The following P2RX2 variants were observed in gnomAD, a reference collection of about 807,000 sequenced individuals.
P2RX2 encodes P2X purinoceptor 2.
In P2RX2, 50 loss-of-function variants were observed where a neutral mutation model predicts 54.8. That is an observed-to-expected ratio of 0.91 (90% CI 0.73 to 1.15). The LOEUF (loss-of-function observed/expected upper bound fraction) is 1.15, where lower values mean the gene tolerates loss of function less well. Among genes scored for constraint, P2RX2 ranks in the 50% most tolerant of loss-of-function variants. The pLI is 0.00. For synonymous variants in P2RX2, 289 were observed against 259.4 expected, an observed-to-expected ratio of 1.11 and a Z score of -1.09; for missense variants, 658 against 633.2, an observed-to-expected ratio of 1.04 and a Z score of -0.42.
chr12:132,621,148 A>C lies in P2RX2; in HGVS notation c.905+17A>C, dbSNP rs760619078. The C allele has an allele frequency of 1.4e-5, 23 of 1,614,034 alleles. No homozygotes were observed. The highest frequency in any genetic ancestry group is 1.9e-5 in the Non-Finnish European group (22 of 1,180,002). On this transcript the variant is annotated intron_variant, in intron 8 of 10. Transcript: ENST00000643471. ...CAACTTCAGGTGCTGTACTTGGGAC[A>C]CCGCTGTCCACACTGGCATAGCTGT...
intron 1 of P2RX2, 127 bp from the exon 2 acceptor site, chr12:132,619,312 G>A (rs1466711281): frequency 1.0e-6 from 1 of 1,001,408 alleles, no homozygotes. Flanking sequence ...TGGGACCGAG[G>A]GCGCGGGGCA....
Position 132,618,992 on chromosome 12 carries a change from GC to G in P2RX2, c.173+4del. The stretch of plus-strand genomic sequence containing the variant: ...CTCATCCTGCTCTACTTCGTGTGGT[GC>G]GCGGGGCGCGGGGTGCGGGGCGCGG... On this transcript the variant is annotated splice_donor_region_variant and intron_variant, in intron 1 of 10. Coordinates refer to ENST00000643471, the MANE Select transcript of P2RX2 (RefSeq NM_170682.4). 1.7e-6 allele frequency: 2 copies of G among 1,207,592 alleles called. No homozygotes were observed. Among genetic ancestry groups the G allele is most frequent in the African/African-American group, 3.7e-5 (2 of 54,194 alleles). 74.8% of individuals were successfully genotyped at this position (1,207,592 alleles called of 1,614,324 possible). A position where few individuals can be genotyped will look rare whatever the true frequency, so the allele number is the denominator to read the frequency against.
intron 6 of P2RX2, 42 bp from the exon 7 acceptor site, chr12:132,620,403 G>A (rs1376258847): frequency 1.9e-6 from 3 of 1,614,096 alleles, no homozygotes; most frequent in Non-Finnish European, 1.7e-6. Context: ...TCTGGGAATG[G>A]GGTATTTGGG....
chr12:132,620,671 C>A, intron 7 of P2RX2, 88 bp downstream of exon 7: 1 of 1,413,416 alleles, frequency 7.1e-7, no homozygotes, highest in Non-Finnish European at 9.7e-7. Context: ...TCCCTCCTCC[C>A]TCCTGACCAG....
In P2RX2 at chr12:132,619,507, A is replaced by G. The variant is rs757287535; in HGVS notation, c.242A>G (p.Lys81Arg). The G allele has an allele frequency of 1.2e-6, 2 of 1,612,390 alleles. No homozygotes were observed. Among genetic ancestry groups the G allele is most frequent in the Non-Finnish European group, 8.5e-7 (1 of 1,179,312 alleles). The change falls in exon 2 of 11, where the codon AAG becomes AGG. Residue 81 changes from lysine to arginine, a missense_variant. Transcript: ENST00000643471. ...GGCCCCGAGAGCTCCATCATCACCA[A>G]GGTCAAGGGGATCACCACGTCCGAG... The part of the protein sequence containing the change: ...ETGPESSIIT[K>R]VKGITTSEHK...
In P2RX2 at chr12:132,621,876, C is replaced by T; in HGVS notation, c.1320C>T (p.Pro440=). 6.2e-7 allele frequency: 1 copy of T among 1,613,444 alleles called. No individual in the cohort carries two copies. Among genetic ancestry groups the T allele is most frequent in the Non-Finnish European group, 8.5e-7 (1 of 1,179,942 alleles). ...GPAFPPLRPC[P]ISAPSEQMVD... Reference sequence around the variant, plus strand: ...CCTTCCCGCCCCTGCGGCCTTGCCCCATCTCTGCCCCTTCTGAGCAGATGG... The same window carrying T: ...CCTTCCCGCCCCTGCGGCCTTGCCCTATCTCTGCCCCTTCTGAGCAGATGG... The change falls in exon 11 of 11, where the codon CCC becomes CCT. Residue 440 remains proline (P), a synonymous_variant. Coordinates refer to ENST00000643471, the MANE Select transcript of P2RX2 (RefSeq NM_170682.4).
In P2RX2 at chr12:132,621,008, T is replaced by A. The variant is rs747061410; in HGVS notation, c.782T>A (p.Val261Asp). ...CTGGCTCCTTCTTGGCAGGGTGGTG[T>A]CATCGGGGTCATTATCAACTGGGAC... ...SFTELAHKGG[V>D]IGVIINWDCD... The change falls in exon 8 of 11, where the codon GTC becomes GAC. Residue 261 changes from valine to aspartate, a missense_variant. Physicochemically the swap from Val to Asp is radical, Grantham distance 152. Transcript: ENST00000643471. 7 of 1,613,782 alleles carry A rather than the reference T, an allele frequency of 4.3e-6. No individual in the cohort carries two copies. In the African/African-American group the frequency reaches 8.0e-5, roughly 18 times the overall value.
chr12:132,619,529 C>T lies in P2RX2; in HGVS notation c.264C>T (p.Ser88=), dbSNP rs750599281. ...CCAAGGTCAAGGGGATCACCACGTC[C>T]GAGCACAAAGTGTGGGACGTGGAGG... The part of the protein sequence containing the change: ...IITKVKGITT[S]EHKVWDVEEY... The change falls in exon 2 of 11, where the codon TCC becomes TCT. Residue 88 remains serine (S), a synonymous_variant. Coordinates refer to ENST00000643471, the MANE Select transcript of P2RX2 (RefSeq NM_170682.4). 38 of 1,612,314 alleles carry T rather than the reference C, an allele frequency of 2.4e-5. No homozygotes were observed. Among genetic ancestry groups the T allele is most frequent in the Middle Eastern group, 1.6e-4 (1 of 6,076 alleles).
At chr12:132,619,372 C>T (rs765554180) in intron 1 of P2RX2, 67 bp from the exon 2 acceptor site, 6 of 1,588,344 alleles carry the variant, frequency 3.8e-6, no homozygotes, top group Non-Finnish European at 4.3e-6. Flanking sequence ...GGGCCCCTGC[C>T]GTGCCTGCGG....
Position 132,619,762 on chromosome 12 carries a change from C to T in P2RX2, c.381+12C>T. On this transcript the variant is annotated intron_variant, in intron 3 of 10. Transcript: ENST00000643471. ...GAACCTGCCCCGAGGTGAGGGGATC[C>T]CGCGGCGCTGGGGGACCCCGCCTCA... 6.2e-7 allele frequency: 1 copy of T among 1,610,068 alleles called. No individual in the cohort carries two copies. The highest frequency in any genetic ancestry group is 8.5e-7 in the Non-Finnish European group (1 of 1,178,606).
chr12:132,619,774 G>A (rs2041564181), intron 3 of P2RX2, 24 bp downstream of exon 3: 2 of 1,610,496 alleles, frequency 1.2e-6, no homozygotes, highest in Non-Finnish European at 1.7e-6. Flanking sequence ...GCGGCGCTGG[G>A]GGACCCCGCC....
chr12:132,621,983 A>G lies in P2RX2; in HGVS notation c.*11A>G, dbSNP rs944737344. On this transcript the variant is annotated 3_prime_UTR_variant, in exon 11 of 11. Transcript: ENST00000643471. Reference sequence around the variant, plus strand: ...TTGGCTCAACTCTGAGCTCCTTTCCATCTCACTGGACTGCAGACCCGGCCT... The same window carrying G: ...TTGGCTCAACTCTGAGCTCCTTTCCGTCTCACTGGACTGCAGACCCGGCCT... The G allele has an allele frequency of 1.9e-6, 3 of 1,613,328 alleles. No individual in the cohort carries two copies. Among genetic ancestry groups the G allele is most frequent in the African/African-American group, 1.3e-5 (1 of 74,924 alleles).
Position 132,619,000 on chromosome 12 carries a change from CGCGGGGTGCGGGG to C in P2RX2, c.173+12_173+24del. On this transcript the variant is annotated intron_variant, in intron 1 of 10. Transcript: ENST00000643471. ...GCTCTACTTCGTGTGGTGCGCGGGGCGCGGGGTGCGGGGCGCGGGGTGCGGGGCGCAGGGGAGG... is the reference window on the plus strand; with the variant it reads ...GCTCTACTTCGTGTGGTGCGCGGGGCCGCGGGGTGCGGGGCGCAGGGGAGG... The C allele has an allele frequency of 1.8e-5, 3 of 162,404 alleles. No homozygotes were observed. Among genetic ancestry groups the C allele is most frequent in the Non-Finnish European group, 2.1e-5 (3 of 141,846 alleles). 10.1% of individuals were successfully genotyped at this position (162,404 alleles called of 1,614,324 possible).
rs1285143567 is a variant in P2RX2 at position 132,622,159 on chromosome 12, C to T, written c.*187C>T. ...CAGGCTTGTGCCCCACCCTGGCATA[C>T]AGCCCCTGACACCTCCTCCCCAGCT... On this transcript the variant is annotated 3_prime_UTR_variant, in exon 11 of 11. Transcript: ENST00000643471. 2 of 1,438,664 alleles carry T rather than the reference C, an allele frequency of 1.4e-6. No homozygotes were observed. Among genetic ancestry groups the T allele is most frequent in the Non-Finnish European group, 9.1e-7 (1 of 1,102,150 alleles). 89.1% of individuals were successfully genotyped at this position (1,438,664 alleles called of 1,614,324 possible).
intron 5 of P2RX2, 62 bp downstream of exon 5, chr12:132,620,158 G>T (rs942704508): frequency 3.6e-5 from 54 of 1,513,768 alleles, no homozygotes; most frequent in Non-Finnish European, 4.6e-5. Flanking sequence ...CTGACCAGAG[G>T]CCAAACGGGC....
chr12:132,621,993 A>G lies in P2RX2; in HGVS notation c.*21A>G, dbSNP rs1226091456. 6.2e-7 allele frequency: 1 copy of G among 1,613,136 alleles called. No individual in the cohort carries two copies. Among genetic ancestry groups the G allele is most frequent in the East Asian group, 2.2e-5 (1 of 44,902 alleles). ...TCTGAGCTCCTTTCCATCTCACTGG[A>G]CTGCAGACCCGGCCTGGTGGGGCCA... On this transcript the variant is annotated 3_prime_UTR_variant, in exon 11 of 11. Transcript: ENST00000643471.
At chr12:132,620,187 T>A (rs7964872) in intron 5 of P2RX2, 80 bp from the exon 6 acceptor site, 9 of 1,484,688 alleles carry the variant, frequency 6.1e-6, no homozygotes, top group Non-Finnish European at 8.4e-6. Flanking sequence ...AGTGACAAGA[T>A]CTGGGGAGGG....
intron 10 of P2RX2, 24 bp from the exon 11 acceptor site, chr12:132,621,595 C>A (rs762984068): frequency 6.2e-7 from 1 of 1,611,418 alleles, no homozygotes; most frequent in South Asian, 1.1e-5. Context: ...CAGGCCCTTA[C>A]ACACCGGTCT....
Position 132,622,350 on chromosome 12 carries a change from A to G in P2RX2, c.*378A>G, listed in dbSNP as rs1194042598. The stretch of plus-strand genomic sequence containing the variant: ...AATCTGCCCAGACTCTTCCCTTAGA[A>G]GTCACAACATACTCAGTCCAATAAA... On this transcript the variant is annotated 3_prime_UTR_variant, in exon 11 of 11. Coordinates refer to ENST00000643471, the MANE Select transcript of P2RX2 (RefSeq NM_170682.4). The G allele has an allele frequency of 2.1e-6, 1 of 479,018 alleles. No individual in the cohort carries two copies. The highest frequency in any genetic ancestry group is 3.1e-6 in the Non-Finnish European group (1 of 321,518). 29.7% of individuals were successfully genotyped at this position (479,018 alleles called of 1,614,324 possible).
Sources: allele counts gnomAD v4.1 joint callset, GRCh38; gene constraint gnomAD v4.1.1; transcripts MANE v1.5; gene names NCBI Gene and HGNC (gene_info 2026-07-23, HGNC 2026-07-21).